Variants in CEP72 observed in about 807,000 individuals in gnomAD.
CEP72 encodes centrosomal protein 72, also known as centrosomal protein of 72 kDa.
CEP72 carries 78 observed loss-of-function variants against 65.7 expected under a neutral mutation model. That is an observed-to-expected ratio of 1.19 (90% confidence interval 0.99 to 1.43). The LOEUF (loss-of-function observed/expected upper bound fraction) is 1.43. Among genes scored for constraint, CEP72 ranks in the 40% most tolerant of loss-of-function variants. The pLI is 0.00. For missense variants in CEP72, 914 were observed against 832.9 expected (o/e 1.10, Z -1.20); for synonymous variants, 358 against 351.7 (o/e 1.02, Z -0.20).
chr5:644,675 C>T (rs909469637), intron 10 of CEP72, among the ~76,000 whole-genome samples: 3 of 152,162 alleles, frequency 2.0e-5, no homozygotes, highest in Non-Finnish European at 2.9e-5. Context: ...TCACCCTGCC[C>T]GACCGTCCTC....
At chr5:613,869 A>C (rs938155016) in intron 1 of CEP72, among the ~76,000 whole-genome samples, 1 of 152,228 alleles carries the variant, frequency 6.6e-6, no homozygotes, top group Non-Finnish European at 1.5e-5. Context: ...ACGGTTTATA[A>C]TGTCCAGGTT....
In CEP72 at chr5:637,835, G is replaced by T; in HGVS notation, c.1206+17G>T. ...ACCAGAGAGGTGAGAGAAGGGCTGGGGAGCAGCAGGCCCACGGCACTGCCT... is the reference window on the plus strand; with the variant it reads ...ACCAGAGAGGTGAGAGAAGGGCTGGTGAGCAGCAGGCCCACGGCACTGCCT... On this transcript the variant is annotated intron_variant, in intron 7 of 11. Transcript: ENST00000264935. 1.3e-6 allele frequency: 2 copies of T among 1,515,026 alleles called. No individual in the cohort carries two copies. Among genetic ancestry groups the T allele is most frequent in the Non-Finnish European group, 1.8e-6 (2 of 1,128,832 alleles). The allele number at this position is 1,515,026 out of a possible 1,614,324, so 93.8% of individuals were successfully genotyped here. A position where few individuals can be genotyped will look rare whatever the true frequency, so the allele number is the denominator to read the frequency against.
chr5:672,265 A>G, the CEP72 span, among the ~76,000 whole-genome samples: 3 of 152,160 alleles, frequency 2.0e-5, no homozygotes, highest in East Asian at 5.8e-4. Flanking sequence ...CGCAGACCCC[A>G]GGGAGCCTGG....
chr5:648,469 T>C (rs1738582522), intron 11 of CEP72, among the ~76,000 whole-genome samples: 3 of 138,062 alleles, frequency 2.2e-5, no homozygotes, highest in East Asian at 2.2e-4. Flanking sequence ...GACTGTGAGG[T>C]GTGACTGTGA....
downstream of CEP72, among the ~76,000 whole-genome samples, chr5:653,901 T>A (rs6881236): frequency 0.25 from 38,178 of 152,072 alleles, 4,915 homozygotes; most frequent in East Asian, 0.43. Flanking sequence ...TAAATGACGT[T>A]CAACTGATTT....
chr5:665,458 C>G, intron 3 of CEP72: 1 of 700,990 alleles, frequency 1.4e-6, no homozygotes, highest in Non-Finnish European at 2.3e-6. Flanking sequence ...TTTACCTCTC[C>G]TGACCCTGGG....
intron 11 of CEP72, among the ~76,000 whole-genome samples, chr5:648,508 T>C (rs980366078): frequency 1.1e-4 from 13 of 114,114 alleles, no homozygotes; most frequent in East Asian, 2.7e-4. Flanking sequence ...GACTGTGAGG[T>C]GTGGACTGTG....
At chr5:657,467 A>G (rs143157384), downstream of CEP72, among the ~76,000 whole-genome samples, 22 of 152,314 alleles carry the variant, frequency 1.4e-4, no homozygotes, top group African/African-American at 4.6e-4. Flanking sequence ...TCCATTCTCT[A>G]GGAGAATTTA....
At position 640,833 on chromosome 5, in the gene CEP72, C is replaced by G. The variant is rs548400840; in HGVS notation, c.1539+229C>G. On this transcript the variant is annotated intron_variant, in intron 9 of 11. Coordinates refer to ENST00000264935, the MANE Select transcript of CEP72 (RefSeq NM_018140.4). ...ACAGCAGTGGCGCTGGCCACCTTCT[C>G]TCCCCGGGCCCAAGGGACCCTCCAC... The G allele has an allele frequency of 1.3e-5, 13 of 985,484 alleles. No individual in the cohort carries two copies. In the African/African-American group the frequency reaches 2.3e-4, roughly 17 times the overall value. The allele number at this position is 985,484 out of a possible 1,614,324, so 61.0% of individuals were successfully genotyped here. A position where few individuals can be genotyped will look rare whatever the true frequency, so the allele number is the denominator to read the frequency against.
intron 11 of CEP72, 33 bp downstream of exon 11, chr5:647,949 A>C: frequency 6.7e-7 from 1 of 1,493,878 alleles, no homozygotes; most frequent in East Asian, 2.3e-5. Flanking sequence ...TGGGCCCCCG[A>C]GGGGAGGAGG....
At position 635,433 on chromosome 5, in the gene CEP72, GGGCCGTGAGAC is replaced by G; in HGVS notation, c.755_765del (p.Gly252GlufsTer130). 6.2e-7 allele frequency: 1 copy of G among 1,614,204 alleles called. No homozygotes were observed. Among genetic ancestry groups the G allele is most frequent in the Non-Finnish European group, 8.5e-7 (1 of 1,180,020 alleles). On this transcript the variant is annotated frameshift_variant, in exon 6 of 12. Transcript: ENST00000264935. LOFTEE classifies it high-confidence loss of function. Reference sequence around the variant, plus strand: ...ACCAGTGTGGGGACTCTGGGAAGCAGGGCCGTGAGACGAGGAGGAGCAGCTGCAGAGGGTGC... The same window carrying G: ...ACCAGTGTGGGGACTCTGGGAAGCAGGAGGAGGAGCAGCTGCAGAGGGTGC...
intron 11 of CEP72, among the ~76,000 whole-genome samples, chr5:649,241 CTGTGAGGT>C (rs1443321996): frequency 1.4e-5 from 1 of 68,994 alleles, no homozygotes; most frequent in African/African-American, 7.4e-5. Context: ...TGAGGTGTGA[CTGTGAGGT>C]GTGGACTGTG....
downstream of CEP72, chr5:657,122 T>G (rs1739397506): frequency 6.6e-6 from 1 of 152,234 alleles, no homozygotes; most frequent in Non-Finnish European, 1.5e-5. Context: ...TACATACATA[T>G]TGTTATATTT....
chr5:640,934 C>T (rs1256436581), intron 9 of CEP72: 10 of 985,288 alleles, frequency 1.0e-5, no homozygotes, highest in African/African-American at 1.7e-5. Context: ...CTCAGGGCCT[C>T]GAACTGGGGA....
chr5:612,928 C>T (rs931087273), intron 1 of CEP72, among the ~76,000 whole-genome samples: 3 of 152,220 alleles, frequency 2.0e-5, no homozygotes, highest in African/African-American at 7.2e-5. Context: ...GAAGTGTTGC[C>T]TTCTCTTATA....
chr5:644,667 A>G (rs918313299), intron 10 of CEP72, among the ~76,000 whole-genome samples: 2 of 152,040 alleles, frequency 1.3e-5, no homozygotes, highest in Non-Finnish European at 2.9e-5. Flanking sequence ...CCCTGTCCTC[A>G]CCCTGCCCGA....
At chr5:653,933 G>A (rs138174412), downstream of CEP72, among the ~76,000 whole-genome samples, 2 of 152,226 alleles carry the variant, frequency 1.3e-5, no homozygotes, top group East Asian at 3.8e-4. Flanking sequence ...GCAGGCCTAA[G>A]AAGAAAATGC....
chr5:641,424 G>A, intron 9 of CEP72: 1 of 985,430 alleles, frequency 1.0e-6, no homozygotes, highest in Non-Finnish European at 1.2e-6. Context: ...GCCCGGGACG[G>A]CTTCGAAAAC....
chr5:669,446 C>G (rs545521188), downstream of CEP72, among the ~76,000 whole-genome samples: 1 of 152,274 alleles, frequency 6.6e-6, no homozygotes, highest in South Asian at 2.1e-4. Flanking sequence ...ACTGACAGTG[C>G]CCATTGGGCC....
Sources: gnomAD v4.1 joint callset for allele counts (sites outside exome capture counted in the v4.1 genomes callset) on GRCh38, gnomAD v4.1.1 for gene constraint, MANE v1.5 for transcripts, NCBI Gene and HGNC (gene_info 2026-07-23, HGNC 2026-07-21) for gene names.